The following ADAMTSL1 variants were observed in gnomAD, a reference collection of about 807,000 sequenced individuals.
The protein encoded by ADAMTSL1 is ADAMTS-like protein 1.
A neutral mutation model predicts 201.8 loss-of-function variants in ADAMTSL1; 126 were observed. The observed-to-expected ratio is 0.62, with a 90% CI of 0.54 to 0.72. ADAMTSL1 has a LOEUF of 0.72. Ranked by LOEUF, ADAMTSL1 falls within the 30% of genes least tolerant of loss-of-function variation. The probability of loss-of-function intolerance (pLI) is 0.00; values close to 1 mark genes in which losing one functional copy is unlikely to be tolerated. For synonymous variants in ADAMTSL1, 1,121 were observed against 903.4 expected (o/e 1.24, Z -4.32); for missense variants, 2,679 against 2,277.8 (o/e 1.18, Z -3.59).
At chr9:18,828,721 A>G (rs1205952152) in intron 22 of ADAMTSL1, among the ~76,000 whole-genome samples, 1 of 117,616 alleles carries the variant, frequency 8.5e-6, no homozygotes, top group East Asian at 2.6e-4. Flanking sequence ...ATATATATAT[A>G]TGTACACACA....
At chr9:18,513,320 A>T (rs1327953692) in intron 2 of ADAMTSL1, among the ~76,000 whole-genome samples, 2 of 152,146 alleles carry the variant, frequency 1.3e-5, no homozygotes, top group Non-Finnish European at 2.9e-5. Context: ...CCTCCGCCGC[A>T]ACCTCTGGCA....
intron 20 of ADAMTSL1, among the ~76,000 whole-genome samples, chr9:18,806,896 C>A (rs1342622868): frequency 6.6e-6 from 1 of 152,170 alleles, no homozygotes; most frequent in Non-Finnish European, 1.5e-5. Context: ...TGGATGCTGA[C>A]GTACGAGTTT....
chr9:18,321,519 C>A (rs1216099634), intron 2 of ADAMTSL1, among the ~76,000 whole-genome samples: 1 of 152,100 alleles, frequency 6.6e-6, no homozygotes, highest in African/African-American at 2.4e-5. Context: ...TTTGGCTGGG[C>A]GCGGTGGCTC....
At chr9:18,715,749 A>G (rs887112355) in intron 14 of ADAMTSL1, among the ~76,000 whole-genome samples, 1 of 151,768 alleles carries the variant, frequency 6.6e-6, no homozygotes, top group Non-Finnish European at 1.5e-5. Context: ...TAAAGTTCAT[A>G]TGGAACCAAA....
At chr9:18,356,604 AACACACACACAC>A (rs67090987) in intron 2 of ADAMTSL1, among the ~76,000 whole-genome samples, 11 of 143,552 alleles carry the variant, frequency 7.7e-5, no homozygotes, top group Admixed American at 5.6e-4. Flanking sequence ...TACACAATAA[AACACACACACAC>A]ACACACACAC....
At chr9:18,736,485 C>G (rs916369827) in intron 15 of ADAMTSL1, among the ~76,000 whole-genome samples, 41 of 152,152 alleles carry the variant, frequency 2.7e-4, no homozygotes, top group African/African-American at 9.4e-4. Context: ...ATGTAACTGA[C>G]CCATGGTGGA....
chr9:18,347,050 G>T (rs1288947059), intron 2 of ADAMTSL1, among the ~76,000 whole-genome samples: 2 of 152,130 alleles, frequency 1.3e-5, no homozygotes, highest in African/African-American at 2.4e-5. Flanking sequence ...AGTCACAGTG[G>T]TTTTTTGACT....
At chr9:18,539,683 G>C (rs1247129181) in intron 3 of ADAMTSL1, among the ~76,000 whole-genome samples, 6 of 152,166 alleles carry the variant, frequency 3.9e-5, no homozygotes. Context: ...TAGGAAACAA[G>C]AATGAGGATT....
chr9:18,157,330 T>G (rs1280308961), intron 1 of ADAMTSL1, among the ~76,000 whole-genome samples: 2 of 152,052 alleles, frequency 1.3e-5, no homozygotes, highest in Non-Finnish European at 2.9e-5. Context: ...TTTGTTTTCT[T>G]TTTAGAATCC....
At chr9:18,246,170 G>C (rs1453973012) in intron 2 of ADAMTSL1, among the ~76,000 whole-genome samples, 4 of 152,074 alleles carry the variant, frequency 2.6e-5, no homozygotes, top group Admixed American at 2.6e-4. Flanking sequence ...TGTATATTTA[G>C]AGTAATGTAA....
intron 7 of ADAMTSL1, among the ~76,000 whole-genome samples, chr9:18,656,820 A>G (rs1049731287): frequency 1.3e-5 from 2 of 152,036 alleles, no homozygotes; most frequent in Non-Finnish European, 2.9e-5. Context: ...ATGTTGTATC[A>G]TTCTGTCTTC....
intron 23 of ADAMTSL1, among the ~76,000 whole-genome samples, chr9:18,831,017 G>A (rs1269891143): frequency 6.6e-6 from 1 of 152,188 alleles, no homozygotes; most frequent in African/African-American, 2.4e-5. Flanking sequence ...AGTCGTATTG[G>A]TGATGACTTA....
chr9:18,399,314 TATATATATATATATAA>T (rs1478966630), intron 2 of ADAMTSL1, among the ~76,000 whole-genome samples: 3 of 124,096 alleles, frequency 2.4e-5, no homozygotes, highest in African/African-American at 9.1e-5. Flanking sequence ...TATATATATA[TATATATATATATATAA>T]AATTATTATT....
chr9:18,109,220 C>A (rs1370018722), intron 1 of ADAMTSL1, among the ~76,000 whole-genome samples: 1 of 152,098 alleles, frequency 6.6e-6, no homozygotes, highest in Non-Finnish European at 1.5e-5. Context: ...CTGGCCATTC[C>A]TATGTGTTAC....
intron 2 of ADAMTSL1, among the ~76,000 whole-genome samples, chr9:18,277,470 T>G (rs988594953): frequency 5.3e-5 from 8 of 152,330 alleles, no homozygotes; most frequent in Non-Finnish European, 8.8e-5. Context: ...ACTGGGAACA[T>G]ATATTTATGG....
intron 4 of ADAMTSL1, among the ~76,000 whole-genome samples, chr9:18,598,487 G>A (rs898498027): frequency 2.0e-5 from 3 of 151,866 alleles, no homozygotes; most frequent in Non-Finnish European, 4.4e-5. Context: ...TTTTTATTTG[G>A]ATTATTCATT....
chr9:18,458,759 A>G lies in ADAMTSL1; in HGVS notation c.208-46070A>G, dbSNP rs184666370. Among the ~76,000 whole-genome samples, 385 of 152,196 alleles carry G rather than the reference A, an allele frequency of 2.5e-3. 4 individuals are homozygous for G. Among genetic ancestry groups the G allele is most frequent in the African/African-American group, 8.8e-3 (367 of 41,548 alleles). On this transcript the variant is annotated intron_variant, in intron 2 of 29. Transcript: ENST00000680146. ...TGACTTTAAAAGGCACTGCTTCCCC[A>G]TGGGTAATTATGGGTAATTTGTTTT...
chr9:17,945,110 A>C (rs1189390479), intron 1 of ADAMTSL1, among the ~76,000 whole-genome samples: 1 of 105,770 alleles, frequency 9.5e-6, no homozygotes, highest in South Asian at 3.7e-4. Context: ...AACTCAAACA[A>C]ATTTACAAGA....
intron 2 of ADAMTSL1, among the ~76,000 whole-genome samples, chr9:18,332,698 A>G (rs745627506): frequency 6.6e-6 from 1 of 152,226 alleles, no homozygotes; most frequent in Non-Finnish European, 1.5e-5. Flanking sequence ...CTACACAGTT[A>G]TGGTTATAAG....
Sources: gnomAD v4.1 joint callset for allele counts (sites outside exome capture counted in the v4.1 genomes callset) on GRCh38, gnomAD v4.1.1 for gene constraint, MANE v1.5 for transcripts, NCBI Gene and HGNC (gene_info 2026-07-23, HGNC 2026-07-21) for gene names.